The following VPS41 variants were observed in gnomAD, a reference collection of about 807,000 sequenced individuals.
VPS41 encodes the protein vacuolar protein sorting-associated protein 41 homolog.
VPS41 carries 85 observed loss-of-function variants against 130.9 expected under a neutral mutation model. The ratio of observed to expected loss-of-function variants is 0.65; its 90% CI spans 0.55 to 0.78. The LOEUF is 0.78. VPS41 is among the 30% of genes least tolerant of loss of function. The pLI is 0.00. For missense variants in VPS41, 874 were observed against 1,018.7 expected (o/e 0.86, Z 1.93); for synonymous variants, 335 against 332.9 (o/e 1.01, Z -0.07).
At chr7:38,791,573 G>A (rs1230313183) in intron 9 of VPS41, among the ~76,000 whole-genome samples, 1 of 152,150 alleles carries the variant, frequency 6.6e-6, no homozygotes, top group Non-Finnish European at 1.5e-5. Flanking sequence ...AAGACTTCCT[G>A]GAAGAAGTGA....
At chr7:38,846,787 C>T (rs1785734015) in intron 4 of VPS41, among the ~76,000 whole-genome samples, 1 of 151,932 alleles carries the variant, frequency 6.6e-6, no homozygotes. Context: ...AAAGAACCAG[C>T]AAAGGAAAGA....
At chr7:38,773,419 A>G (rs1481596837) in intron 12 of VPS41, among the ~76,000 whole-genome samples, 1 of 152,210 alleles carries the variant, frequency 6.6e-6, no homozygotes, top group Non-Finnish European at 1.5e-5. Context: ...TTAAACATAT[A>G]TAGAATATTT....
Position 38,767,314 on chromosome 7 carries a change from G to A in VPS41, c.1247+223C>T, listed in dbSNP as rs576485329. On this transcript the variant is annotated intron_variant, in intron 15 of 28. Coordinates refer to ENST00000310301, the MANE Select transcript of VPS41 (RefSeq NM_014396.4). ...ATAATGAGAAAAAAAATTCTCCTTC[G>A]GTAAAAATGAAATAGTTGGGAAAAT... Among the ~76,000 whole-genome samples, 72 of 151,790 alleles carry A rather than the reference G, an allele frequency of 4.7e-4. 1 individual carries two copies. The highest frequency in any genetic ancestry group is 6.8e-3 in the Middle Eastern group (2 of 294).
At chr7:38,743,609 G>C in intron 23 of VPS41, 67 bp from the exon 24 acceptor site, 4 of 1,551,894 alleles carry the variant, frequency 2.6e-6, no homozygotes, top group Non-Finnish European at 3.5e-6. Flanking sequence ...TAAAGAAATT[G>C]CATATCTCTT....
chr7:38,780,356 G>A (rs1454578954), intron 10 of VPS41, among the ~76,000 whole-genome samples: 2 of 151,890 alleles, frequency 1.3e-5, no homozygotes, highest in Non-Finnish European at 2.9e-5. Flanking sequence ...ATACTATGGT[G>A]GGCATTACAG....
At position 38,746,637 on chromosome 7, in the gene VPS41, G is replaced by A. The variant is rs78070907; in HGVS notation, c.1927-1024C>T. Among the ~76,000 whole-genome samples, 244 of 152,190 alleles carry A rather than the reference G, an allele frequency of 1.6e-3. 3 individuals carry two copies. Among genetic ancestry groups the A allele is most frequent in the African/African-American group, 5.5e-3 (228 of 41,536 alleles). The stretch of plus-strand genomic sequence containing the variant: ...TTCAAGGGGAAGTGGCATCTGAACC[G>A]GGTGCAGTATGATGAATGAGTGCAC... On this transcript the variant is annotated intron_variant, in intron 22 of 28. Coordinates refer to ENST00000310301, the MANE Select transcript of VPS41 (RefSeq NM_014396.4).
In VPS41 at chr7:38,821,270, A is replaced by G. The variant is rs202124253; in HGVS notation, c.322-5T>C. 237 of 1,612,122 alleles carry G rather than the reference A, an allele frequency of 1.5e-4. 3 individuals carry two copies. The South Asian group carries it at 1.9e-3, about 13-fold the overall frequency. On this transcript the variant is annotated splice_polypyrimidine_tract_variant and splice_region_variant and intron_variant, in intron 5 of 28. Coordinates refer to ENST00000310301, the MANE Select transcript of VPS41 (RefSeq NM_014396.4). Reference sequence around the variant, plus strand: ...ATACAGTCCAAATACCTGCACCTACAAAGAAAATGGATTGTATCAGCTCAC... The same window carrying G: ...ATACAGTCCAAATACCTGCACCTACGAAGAAAATGGATTGTATCAGCTCAC...
chr7:38,787,574 A>G (rs1288154138), intron 10 of VPS41, among the ~76,000 whole-genome samples: 2 of 152,234 alleles, frequency 1.3e-5, no homozygotes, highest in Non-Finnish European at 2.9e-5. Flanking sequence ...CCTATGTGAT[A>G]GGAATAACTT....
chr7:38,781,311 C>T (rs1384376807), intron 10 of VPS41, among the ~76,000 whole-genome samples: 1 of 152,178 alleles, frequency 6.6e-6, no homozygotes, highest in African/African-American at 2.4e-5. Context: ...ACTAGCCATA[C>T]CACAAAGACT....
At chr7:38,758,294 AG>A (rs972475437) in intron 18 of VPS41, 59 bp downstream of exon 18, 1 of 1,498,568 alleles carries the variant, frequency 6.7e-7, no homozygotes, top group African/African-American at 1.4e-5. Flanking sequence ...CCAAATCTAA[AG>A]TATGAAAAAC....
In VPS41 at chr7:38,904,339, G is replaced by A. The variant is rs143602788; in HGVS notation, c.21+4815C>T. On this transcript the variant is annotated intron_variant, in intron 1 of 28. Coordinates refer to ENST00000310301, the MANE Select transcript of VPS41 (RefSeq NM_014396.4). ...AGTGGAAAAACTAACAAAGCAATCC[G>A]CTAGTCCAGCAAAACTAATCTGTGA... is the stretch of plus-strand genomic sequence containing the variant. 9.6e-3 allele frequency among the ~76,000 whole-genome samples: 1,459 copies of A among 152,312 alleles called. 6 individuals are homozygous for A. Among genetic ancestry groups the A allele is most frequent in the Non-Finnish European group, 0.014 (973 of 68,018 alleles).
intron 14 of VPS41, among the ~76,000 whole-genome samples, chr7:38,768,049 T>C (rs10267709): frequency 0.21 from 32,598 of 152,178 alleles, 4,487 homozygotes; most frequent in Non-Finnish European, 0.31. Context: ...ATGACTATCA[T>C]ACTAAAGGAA....
At chr7:38,855,208 CAA>C (rs746134361) in intron 4 of VPS41, among the ~76,000 whole-genome samples, 22,830 of 75,830 alleles carry the variant, frequency 0.3, 1,582 homozygotes, top group Non-Finnish European at 0.39. Flanking sequence ...GACTCCCTCT[CAA>C]AAAAAAAAAA....
At position 38,774,180 on chromosome 7, in the gene VPS41, T is replaced by C. The variant is rs1302605710; in HGVS notation, c.947A>G (p.Glu316Gly). 2 of 1,609,516 alleles carry C rather than the reference T, an allele frequency of 1.2e-6. No homozygotes were observed. The highest frequency in any genetic ancestry group is 1.7e-6 in the Non-Finnish European group (2 of 1,176,754). ...GACTGTCAAAGCATCAGAAGAGATC[T>C]CTTCACAAGTCTCAGAAAGTGGCTG... Reference protein sequence around the residue: ...IIQPLSETCEEISSDALTVRG... With the variant: ...IIQPLSETCEGISSDALTVRG... Residue 316 changes from glutamate (E) to glycine (G), a missense_variant, in exon 12 of 29, where the codon GAG (glutamate) becomes GGG (glycine). Transcript: ENST00000310301.
rs149230774 is a variant in VPS41, at chr7:38,872,272, C to T, written c.61-3019G>A. On this transcript the variant is annotated intron_variant, in intron 2 of 28. Coordinates refer to ENST00000310301, the MANE Select transcript of VPS41 (RefSeq NM_014396.4). ...TCAAGCAGCCCTGTGGAGGGGTCCA[C>T]GAAGCAAGAGTGATCCAAGAGGAAA... is the stretch of plus-strand genomic sequence containing the variant. Among the ~76,000 whole-genome samples the T allele has an allele frequency of 9.9e-5, 15 of 152,238 alleles. No homozygotes were observed. In the East Asian group the frequency reaches 1.4e-3, roughly 14 times the overall value.
At chr7:38,819,376 T>C (rs1277113328) in intron 6 of VPS41, among the ~76,000 whole-genome samples, 1 of 152,100 alleles carries the variant, frequency 6.6e-6, no homozygotes, top group Non-Finnish European at 1.5e-5. Flanking sequence ...TCTTCACTGG[T>C]TTTTGCCATG....
chr7:38,804,188 C>A (rs1166373281), intron 7 of VPS41, among the ~76,000 whole-genome samples: 2 of 151,306 alleles, frequency 1.3e-5, no homozygotes, highest in Non-Finnish European at 2.9e-5. Context: ...TTTTTTTTAA[C>A]TTGTATTTTA....
chr7:38,795,334 G>T, intron 9 of VPS41, 131 bp downstream of exon 9: 1 of 611,778 alleles, frequency 1.6e-6, no homozygotes, highest in Non-Finnish European at 2.6e-6. Context: ...GCATTAAATG[G>T]TAATCACGTC....
chr7:38,803,731 A>C (rs144465603), intron 7 of VPS41, among the ~76,000 whole-genome samples: 83 of 152,298 alleles, frequency 5.4e-4, no homozygotes, highest in African/African-American at 1.6e-3. Context: ...TGTGGAGAAG[A>C]CCTAGGATGG....
Sources: gnomAD v4.1 joint callset for allele counts (sites outside exome capture counted in the v4.1 genomes callset) on GRCh38, gnomAD v4.1.1 for gene constraint, MANE v1.5 for transcripts, NCBI Gene and HGNC (gene_info 2026-07-23, HGNC 2026-07-21) for gene names.